The following TBC1D30 variants were observed in gnomAD, a reference collection of about 807,000 sequenced individuals.
TBC1D30 encodes TBC1 domain family, member 30.
Under a neutral mutation model 63.2 loss-of-function variants are expected in TBC1D30, and 31 were observed. The observed-to-expected ratio is 0.49, with a 90% CI of 0.37 to 0.66. The LOEUF is 0.66. Ranked by LOEUF, TBC1D30 falls within the 30% of genes least tolerant of loss-of-function variation. TBC1D30 has a pLI of 0.00. For missense variants in TBC1D30, 810 were observed against 953.6 expected (o/e 0.85, Z 1.98); for synonymous variants, 307 against 361.5 (o/e 0.85, Z 1.71).
intron 11 of TBC1D30, among the ~76,000 whole-genome samples, chr12:64,873,512 A>G (rs1420313951): frequency 1.3e-5 from 2 of 152,088 alleles, no homozygotes; most frequent in Non-Finnish European, 2.9e-5. Flanking sequence ...GCGGTCAGCC[A>G]TGCATCTGGC....
At chr12:64,771,354 A>G (rs1216585240) in intron 1 of TBC1D30, among the ~76,000 whole-genome samples, 2 of 152,108 alleles carry the variant, frequency 1.3e-5, no homozygotes, top group Non-Finnish European at 2.9e-5. Flanking sequence ...CCAGATCGAG[A>G]TGGAACTCTT....
At chr12:64,802,404 G>T (rs1872627390) in intron 2 of TBC1D30, among the ~76,000 whole-genome samples, 1 of 152,102 alleles carries the variant, frequency 6.6e-6, no homozygotes, top group Admixed American at 6.5e-5. Flanking sequence ...CCAGCAGAGG[G>T]CAGGCTGGCT....
chr12:64,817,453 C>G (rs1238084626), intron 2 of TBC1D30, among the ~76,000 whole-genome samples: 2 of 152,200 alleles, frequency 1.3e-5, no homozygotes, highest in African/African-American at 4.8e-5. Flanking sequence ...GCTGCGTTGC[C>G]TCCTGGAGGG....
At chr12:64,803,802 T>C (rs1407259196) in intron 2 of TBC1D30, among the ~76,000 whole-genome samples, 3 of 152,202 alleles carry the variant, frequency 2.0e-5, no homozygotes, top group Admixed American at 6.5e-5. Flanking sequence ...AAAGATCAGA[T>C]GGTTGTAGAT....
At chr12:64,780,951 C>T (rs1426770650) in exon 1 of TBC1D30, 5 of 1,056,714 alleles carry the variant, frequency 4.7e-6, no homozygotes, top group South Asian at 2.3e-5. Context: ...CTCCGGGGAG[C>T]GGCGGAGCGG....
At chr12:64,834,639 T>C (rs1875171254) in intron 5 of TBC1D30, among the ~76,000 whole-genome samples, 1 of 150,698 alleles carries the variant, frequency 6.6e-6, no homozygotes, top group African/African-American at 2.4e-5. Context: ...ACTCCTGACC[T>C]CTCAGGTGAT....
intron 7 of TBC1D30, among the ~76,000 whole-genome samples, chr12:64,840,576 A>G (rs1875782788): frequency 6.6e-6 from 1 of 152,212 alleles, no homozygotes; most frequent in African/African-American, 2.4e-5. Flanking sequence ...TGCATGGATA[A>G]ACTCATGTAT....
intron 7 of TBC1D30, among the ~76,000 whole-genome samples, chr12:64,843,044 G>A (rs1324124102): frequency 6.6e-6 from 1 of 152,212 alleles, no homozygotes; most frequent in Non-Finnish European, 1.5e-5. Context: ...GTCTCACTGT[G>A]TTATCCAGGC....
chr12:64,819,537 C>T (rs1301068500), intron 2 of TBC1D30, among the ~76,000 whole-genome samples: 1 of 151,270 alleles, frequency 6.6e-6, no homozygotes, highest in African/African-American at 2.4e-5. Flanking sequence ...CTGCCTCAGC[C>T]TCCCAAGTAG....
At chr12:64,807,217 C>G (rs192804548) in intron 2 of TBC1D30, among the ~76,000 whole-genome samples, 29 of 152,248 alleles carry the variant, frequency 1.9e-4, no homozygotes, top group Admixed American at 1.8e-3. Context: ...GGGTTTTTCC[C>G]CTTTTGCTTG....
upstream of TBC1D30, among the ~76,000 whole-genome samples, chr12:64,780,476 C>G (rs1056051151): frequency 1.3e-5 from 2 of 152,266 alleles, no homozygotes; most frequent in Non-Finnish European, 2.9e-5. Context: ...CCTCCCCCTC[C>G]GTGCTGCTGG....
Position 64,824,704 on chromosome 12 carries a change from C to T in TBC1D30, c.-176C>T. 1.2e-6 allele frequency: 1 copy of T among 846,698 alleles called. No individual in the cohort carries two copies. The highest frequency in any genetic ancestry group is 1.7e-6 in the Non-Finnish European group (1 of 581,924). 52.4% of individuals were successfully genotyped at this position (846,698 alleles called of 1,614,324 possible). The stretch of plus-strand genomic sequence containing the variant: ...TGGCTTCCCTGCGCTCGGCGGCTCC[C>T]GCGGTGCCCCGTAAGTCCCCGTGAC... On this transcript the variant is annotated 5_prime_UTR_variant, in exon 1 of 12. Coordinates refer to ENST00000539867, the MANE Select transcript of TBC1D30 (RefSeq NM_015279.2).
At chr12:64,780,940 C>T (rs1871239795) in exon 1 of TBC1D30, 1 of 1,056,120 alleles carries the variant, frequency 9.5e-7, no homozygotes, top group Non-Finnish European at 1.2e-6. Context: ...CAGCCCCGCG[C>T]CTCCGGGGAG....
At position 64,877,914 on chromosome 12, in the gene TBC1D30, G is replaced by A. The variant is rs977963738; in HGVS notation, c.*2126G>A. The A allele has an allele frequency of 2.6e-5, 4 of 153,324 alleles. No individual in the cohort carries two copies. The highest frequency in any genetic ancestry group is 5.8e-5 in the Non-Finnish European group (4 of 68,776). 9.5% of individuals were successfully genotyped at this position (153,324 alleles called of 1,614,324 possible). ...AGCTCCCTGATGGTCTGGGTTCAAGGAAATGGTTAATGAGGTAGAGGCCAC... is the reference window on the plus strand; with the variant it reads ...AGCTCCCTGATGGTCTGGGTTCAAGAAAATGGTTAATGAGGTAGAGGCCAC... On this transcript the variant is annotated 3_prime_UTR_variant, in exon 12 of 12. Coordinates refer to ENST00000539867, the MANE Select transcript of TBC1D30 (RefSeq NM_015279.2).
chr12:64,810,470 A>G (rs1333274629), intron 2 of TBC1D30, among the ~76,000 whole-genome samples: 1 of 152,038 alleles, frequency 6.6e-6, no homozygotes, highest in African/African-American at 2.4e-5. Context: ...GGGCGTGGTA[A>G]TGGGCGCCTG....
chr12:64,792,939 C>G (rs565878390), intron 2 of TBC1D30, among the ~76,000 whole-genome samples: 39 of 152,254 alleles, frequency 2.6e-4, no homozygotes, highest in African/African-American at 9.1e-4. Context: ...TGATTCAAAG[C>G]TCAGCAAGGC....
At chr12:64,823,317 T>C (rs1874005023), upstream of TBC1D30, among the ~76,000 whole-genome samples, 2 of 152,218 alleles carry the variant, frequency 1.3e-5, no homozygotes, top group Admixed American at 1.3e-4. Flanking sequence ...GTACAACTGT[T>C]GATGTACAGT....
At chr12:64,810,701 G>A (rs1592575245) in intron 2 of TBC1D30, among the ~76,000 whole-genome samples, 3 of 152,300 alleles carry the variant, frequency 2.0e-5, no homozygotes, top group African/African-American at 7.2e-5. Context: ...ATGGAGAGAA[G>A]CTGTAGCATG....
At chr12:64,854,884 A>G (rs1422019552) in intron 8 of TBC1D30, among the ~76,000 whole-genome samples, 2 of 152,120 alleles carry the variant, frequency 1.3e-5, no homozygotes, top group Non-Finnish European at 2.9e-5. Flanking sequence ...TGTGCTTACT[A>G]TTACCAGTGA....
Sources: gnomAD v4.1 joint callset for allele counts (sites outside exome capture counted in the v4.1 genomes callset) on GRCh38, gnomAD v4.1.1 for gene constraint, MANE v1.5 for transcripts, NCBI Gene and HGNC (gene_info 2026-07-23, HGNC 2026-07-21) for gene names.